Variants in CDYL observed in about 807,000 individuals in gnomAD.
CDYL encodes the protein chromodomain Y like.
CDYL carries 8 observed loss-of-function variants against 47.3 expected under a neutral mutation model. The ratio of observed to expected loss-of-function variants is 0.17; its 90% CI spans 0.10 to 0.31. CDYL has a LOEUF of 0.31. Among genes scored for constraint, CDYL ranks in the 10% least tolerant of loss-of-function variants. The pLI, the probability that CDYL is intolerant of heterozygous loss-of-function variation, is 1.00. For synonymous variants in CDYL, 266 were observed against 265.0 expected (o/e 1.00, Z -0.04); for missense variants, 471 against 701.4 (o/e 0.67, Z 3.71).
At chr6:4,908,244 G>A (rs969674946) in intron 2 of CDYL, among the ~76,000 whole-genome samples, 1 of 152,204 alleles carries the variant, frequency 6.6e-6, no homozygotes, top group Admixed American at 6.5e-5. Flanking sequence ...CCATAGCTAT[G>A]GGTGATCCTT....
intron 2 of CDYL, among the ~76,000 whole-genome samples, chr6:4,722,513 G>A (rs1010846542): frequency 8.5e-5 from 13 of 152,088 alleles, no homozygotes; most frequent in Admixed American, 4.6e-4. Flanking sequence ...AAAAGAGTAC[G>A]TGCCACAGTG....
rs554872280 is a variant in CDYL at position 4,786,431 on chromosome 6, T to A, written c.24+9624T>A. On this transcript the variant is annotated intron_variant, in intron 1 of 6. Transcript: ENST00000397588. ...GCTTCAGAAGCAGAGACGGACTGTG[T>A]TACCTTCCATAATGATGCCGGGTAA... Among the ~76,000 whole-genome samples the A allele has an allele frequency of 2.0e-5, 3 of 152,332 alleles. No individual in the cohort carries two copies. The East Asian group carries it at 5.8e-4, about 29-fold the overall frequency.
intron 1 of CDYL, among the ~76,000 whole-genome samples, chr6:4,777,036 C>G (rs1278889319): frequency 1.4e-5 from 2 of 141,842 alleles, no homozygotes; most frequent in African/African-American, 5.2e-5. Flanking sequence ...GGGGGGGGGT[C>G]CCAGCCGTGG....
chr6:4,811,550 G>A (rs1239190149), intron 1 of CDYL, among the ~76,000 whole-genome samples: 1 of 150,962 alleles, frequency 6.6e-6, no homozygotes, highest in African/African-American at 2.4e-5. Context: ...CTCAAAAGTA[G>A]TCTATATGGG....
intron 3 of CDYL, among the ~76,000 whole-genome samples, chr6:4,766,056 C>T (rs770004984): frequency 1.2e-4 from 18 of 151,914 alleles, no homozygotes; most frequent in Admixed American, 2.0e-4. Flanking sequence ...AGAAATGATA[C>T]GTATTTTCAA....
chr6:4,875,923 A>C (rs1389537832), intron 1 of CDYL, among the ~76,000 whole-genome samples: 5 of 152,240 alleles, frequency 3.3e-5, no homozygotes, highest in Admixed American at 6.5e-5. Context: ...GCATTTCATT[A>C]ACTGGAATTC....
rs1758783327 is a variant in CDYL, at chr6:4,787,393, G to GA, written c.24+10592dup. 2.0e-5 allele frequency among the ~76,000 whole-genome samples: 3 copies of GA among 152,066 alleles called. No homozygotes were observed. In the South Asian group the frequency reaches 6.2e-4, roughly 31 times the overall value. On this transcript the variant is annotated intron_variant, in intron 1 of 6. Coordinates refer to ENST00000397588, the MANE Select transcript of CDYL (RefSeq NM_004824.4). Reference sequence around the variant, plus strand: ...GTTTCTGCTCGTAAATGAGCTTTTTGAAAAAATCTTGATTCGGTTGATAGA... The same window carrying GA: ...GTTTCTGCTCGTAAATGAGCTTTTTGAAAAAAATCTTGATTCGGTTGATAGA...
At chr6:4,847,146 C>A (rs1283248346) in intron 1 of CDYL, among the ~76,000 whole-genome samples, 1 of 152,212 alleles carries the variant, frequency 6.6e-6, no homozygotes. Context: ...ATTGCGTGCA[C>A]CAAAATCATC....
intron 2 of CDYL, among the ~76,000 whole-genome samples, chr6:4,927,895 T>C (rs777290291): frequency 3.9e-5 from 6 of 152,258 alleles, no homozygotes; most frequent in Non-Finnish European, 7.3e-5. Flanking sequence ...TGTTCTATTA[T>C]GCTTTTTATT....
At chr6:4,815,673 C>CT (rs35346944) in intron 1 of CDYL, among the ~76,000 whole-genome samples, 13,510 of 113,552 alleles carry the variant, frequency 0.12, 794 homozygotes, top group South Asian at 0.18. Context: ...TGAGATTTCA[C>CT]TTTTTTTTTT....
intron 1 of CDYL, among the ~76,000 whole-genome samples, chr6:4,831,304 C>T (rs951681825): frequency 6.6e-6 from 1 of 152,150 alleles, no homozygotes; most frequent in African/African-American, 2.4e-5. Context: ...TATGGCTAGC[C>T]AGTTTTCCCT....
intron 1 of CDYL, among the ~76,000 whole-genome samples, chr6:4,875,158 T>G (rs1311963751): frequency 6.6e-6 from 1 of 151,856 alleles, no homozygotes; most frequent in Non-Finnish European, 1.5e-5. Context: ...CGCAGGAGAG[T>G]CCCTGTTGTC....
At chr6:4,840,908 A>G (rs1760470288) in intron 1 of CDYL, among the ~76,000 whole-genome samples, 1 of 151,956 alleles carries the variant, frequency 6.6e-6, no homozygotes, top group Admixed American at 6.6e-5. Context: ...TGGTTTTGGT[A>G]TTAGAGTGAC....
At chr6:4,873,450 C>T (rs1489412862) in intron 1 of CDYL, among the ~76,000 whole-genome samples, 1 of 151,980 alleles carries the variant, frequency 6.6e-6, no homozygotes, top group Non-Finnish European at 1.5e-5. Flanking sequence ...TCTTCTACTT[C>T]CTTATGTATA....
At chr6:4,903,322 G>A (rs1010121787) in intron 2 of CDYL, among the ~76,000 whole-genome samples, 17 of 152,172 alleles carry the variant, frequency 1.1e-4, no homozygotes, top group Non-Finnish European at 2.5e-4. Flanking sequence ...CAGTGCTCAA[G>A]GGAACTTCTT....
intron 1 of CDYL, among the ~76,000 whole-genome samples, chr6:4,869,233 C>T (rs1761407344): frequency 6.6e-6 from 1 of 151,978 alleles, no homozygotes; most frequent in Non-Finnish European, 1.5e-5. Context: ...GTAGCTGGGA[C>T]TACAGGTGCC....
chr6:4,751,831 T>C (rs2127420151), intron 3 of CDYL, among the ~76,000 whole-genome samples: 1 of 152,378 alleles, frequency 6.6e-6, no homozygotes, highest in South Asian at 2.1e-4. Context: ...CTTTCAGTCC[T>C]TGTAAATACT....
chr6:4,783,300 A>AT (rs930768037), intron 1 of CDYL, among the ~76,000 whole-genome samples: 1 of 147,734 alleles, frequency 6.8e-6, no homozygotes, highest in Non-Finnish European at 1.5e-5. Flanking sequence ...TTTTGCCATC[A>AT]TTTTTTGAAA....
intron 1 of CDYL, among the ~76,000 whole-genome samples, chr6:4,837,105 G>A (rs145676680): frequency 6.6e-5 from 10 of 152,284 alleles, no homozygotes; most frequent in African/African-American, 1.9e-4. Flanking sequence ...GATAAGATAG[G>A]TCAATCATTG....
Sources: gnomAD v4.1 joint callset for allele counts (sites outside exome capture counted in the v4.1 genomes callset) on GRCh38, gnomAD v4.1.1 for gene constraint, MANE v1.5 for transcripts, NCBI Gene and HGNC (gene_info 2026-07-23, HGNC 2026-07-21) for gene names.